KCNB2: variants seen among roughly 807,000 people sequenced by gnomAD.
KCNB2 encodes delayed rectifier potassium channel protein.
A neutral mutation model predicts 61.5 loss-of-function variants in KCNB2; 15 were observed. That is an observed-to-expected ratio of 0.24 (90% CI 0.16 to 0.38). KCNB2 has a LOEUF of 0.38. KCNB2 is among the 10% of genes least tolerant of loss of function. The pLI, the probability that KCNB2 is intolerant of heterozygous loss-of-function variation, is 1.00. For synonymous variants in KCNB2, 457 were observed against 446.0 expected (o/e 1.02, Z -0.31); for missense variants, 828 against 1,125.2 (o/e 0.74, Z 3.78).
At chr8:72,781,313 G>A (rs565660825) in intron 2 of KCNB2, among the ~76,000 whole-genome samples, 1 of 152,202 alleles carries the variant, frequency 6.6e-6, no homozygotes, top group South Asian at 2.1e-4. Context: ...TGAATGTATT[G>A]CCTAGATTTT....
At chr8:72,796,000 C>T (rs1237262398) in intron 2 of KCNB2, among the ~76,000 whole-genome samples, 1 of 152,138 alleles carries the variant, frequency 6.6e-6, no homozygotes, top group Admixed American at 6.5e-5. Context: ...GTCCAACTTG[C>T]AATATGGTGT....
chr8:72,571,004 T>C (rs1251798651), intron 2 of KCNB2, among the ~76,000 whole-genome samples: 1 of 152,206 alleles, frequency 6.6e-6, no homozygotes, highest in Non-Finnish European at 1.5e-5. Flanking sequence ...TTATTGAAAA[T>C]ATTCTTGTGT....
chr8:72,913,840 A>G (rs1217741003), intron 2 of KCNB2, among the ~76,000 whole-genome samples: 1 of 152,192 alleles, frequency 6.6e-6, no homozygotes, highest in Admixed American at 6.5e-5. Flanking sequence ...TTTCATGAAT[A>G]TATCATTGTT....
chr8:72,933,347 C>A (rs568626854), intron 2 of KCNB2, among the ~76,000 whole-genome samples: 21 of 152,222 alleles, frequency 1.4e-4, no homozygotes, highest in Non-Finnish European at 2.2e-4. Context: ...CCCCCTTGGA[C>A]CTTTCACTTT....
intron 2 of KCNB2, among the ~76,000 whole-genome samples, chr8:72,768,665 G>GT (rs1808501854): frequency 1.3e-5 from 2 of 151,946 alleles, no homozygotes; most frequent in Non-Finnish European, 1.5e-5. Context: ...TTTATGCCTG[G>GT]TTTTTTTCCT....
At chr8:72,748,400 T>G (rs1585869951) in intron 2 of KCNB2, among the ~76,000 whole-genome samples, 2 of 152,242 alleles carry the variant, frequency 1.3e-5, no homozygotes, top group East Asian at 3.9e-4. Flanking sequence ...GCAAACCAAA[T>G]CCATTAGAGG....
intron 2 of KCNB2, among the ~76,000 whole-genome samples, chr8:72,598,117 G>A (rs891606380): frequency 1.2e-4 from 17 of 139,142 alleles, no homozygotes; most frequent in African/African-American, 4.3e-4. Flanking sequence ...AGAAAATGTG[G>A]TATGTCAAAG....
chr8:72,886,982 C>CA (rs1805817781), intron 2 of KCNB2, among the ~76,000 whole-genome samples: 1 of 152,130 alleles, frequency 6.6e-6, no homozygotes, highest in South Asian at 2.1e-4. Flanking sequence ...TGCCCAATGC[C>CA]AAAAGGATTT....
intron 1 of KCNB2, among the ~76,000 whole-genome samples, chr8:72,564,639 A>G (rs1806593828): frequency 6.6e-6 from 1 of 152,158 alleles, no homozygotes; most frequent in Non-Finnish European, 1.5e-5. Context: ...TTTTTAACAT[A>G]TATATATAGT....
intron 2 of KCNB2, among the ~76,000 whole-genome samples, chr8:72,861,341 T>C (rs555525129): frequency 5.4e-4 from 82 of 152,300 alleles, no homozygotes; most frequent in African/African-American, 1.8e-3. Flanking sequence ...AAAATAAGAA[T>C]TTGATCATAT....
At chr8:72,703,722 A>G (rs1354355799) in intron 2 of KCNB2, among the ~76,000 whole-genome samples, 2 of 152,166 alleles carry the variant, frequency 1.3e-5, no homozygotes, top group African/African-American at 4.8e-5. Flanking sequence ...ACTCCCCCAC[A>G]CAAAAAAATC....
chr8:72,701,506 CTG>C (rs1417289874), intron 2 of KCNB2, among the ~76,000 whole-genome samples: 3 of 151,790 alleles, frequency 2.0e-5, no homozygotes, highest in Non-Finnish European at 2.9e-5. Context: ...GCAGTATGAG[CTG>C]TGGTATTTTA....
chr8:72,793,133 C>A (rs1337945583), intron 2 of KCNB2, among the ~76,000 whole-genome samples: 1 of 152,158 alleles, frequency 6.6e-6, no homozygotes, highest in Non-Finnish European at 1.5e-5. Context: ...TACACGGATA[C>A]CACATTTATG....
chr8:72,776,088 T>C (rs1359080449), intron 2 of KCNB2, among the ~76,000 whole-genome samples: 8 of 152,134 alleles, frequency 5.3e-5, no homozygotes, highest in Admixed American at 2.6e-4. Flanking sequence ...AGGATGAGTT[T>C]ATGTCCTTTG....
At chr8:72,763,503 G>C (rs1163121144) in intron 2 of KCNB2, among the ~76,000 whole-genome samples, 1 of 152,162 alleles carries the variant, frequency 6.6e-6, no homozygotes, top group Non-Finnish European at 1.5e-5. Flanking sequence ...AGCTAAATGG[G>C]GGGTTGGAGC....
In KCNB2 at chr8:72,937,516, G is replaced by A. The variant is rs778910036; in HGVS notation, c.2161G>A (p.Glu721Lys). ...KSRSLKVNFK[E>K]NRGSAPQTPP... The stretch of plus-strand genomic sequence containing the variant: ...CAGATCCCTCAAAGTGAACTTTAAG[G>A]AAAATAGAGGCAGTGCACCACAGAC... The change falls in exon 3 of 3, where the codon GAA becomes AAA. Residue 721 changes from glutamate (E) to lysine (K), a missense_variant. Around this residue, in one of 4 missense-constraint regions of KCNB2, gnomAD observed 559 missense variants for 588.4 expected, o/e 0.95. Transcript: ENST00000523207. 1.2e-4 allele frequency: 201 copies of A among 1,613,840 alleles called. No homozygotes were observed. The East Asian group carries it at 4.4e-3, about 35-fold the overall frequency.
At chr8:72,883,802 A>G (rs1805756545) in intron 2 of KCNB2, among the ~76,000 whole-genome samples, 1 of 152,208 alleles carries the variant, frequency 6.6e-6, no homozygotes, top group African/African-American at 2.4e-5. Flanking sequence ...TGTGAAACAC[A>G]TCATGACTGA....
intron 2 of KCNB2, among the ~76,000 whole-genome samples, chr8:72,882,723 G>GGAAAAA (rs10678011): frequency 0.34 from 49,835 of 147,808 alleles, 8,857 homozygotes; most frequent in Admixed American, 0.41. Context: ...AGAATGAATA[G>GGAAAAA]GAAAAAGAAA....
intron 2 of KCNB2, among the ~76,000 whole-genome samples, chr8:72,893,945 A>G (rs983576610): frequency 1.3e-5 from 2 of 152,184 alleles, no homozygotes; most frequent in Non-Finnish European, 2.9e-5. Context: ...ATCCCTAATT[A>G]TTGAGCCCCT....
Sources: allele counts gnomAD v4.1 joint callset (sites outside exome capture counted in the v4.1 genomes callset), GRCh38; gene constraint gnomAD v4.1.1; regional missense constraint gnomAD v4.1.1; transcripts MANE v1.5; gene names NCBI Gene and HGNC (gene_info 2026-07-23, HGNC 2026-07-21).